Variants in UGT1A4 observed in about 807,000 individuals in gnomAD.
UGT1A4 encodes the protein UDP glucuronosyltransferase family 1 member A4, also known as UDP-glucuronosyltransferase 1A4.
A neutral mutation model predicts 41.1 loss-of-function variants in UGT1A4; 32 were observed. The observed-to-expected ratio is 0.78, with a 90% CI of 0.59 to 1.05. The LOEUF is 1.05. Ranked by LOEUF, UGT1A4 falls within the 50% of genes least tolerant of loss-of-function variation. UGT1A4 has a pLI of 0.00. For synonymous variants in UGT1A4, 283 were observed against 265.1 expected (o/e 1.07, Z -0.66); for missense variants, 748 against 677.4 (o/e 1.10, Z -1.16).
rs564518266 is a variant in UGT1A4 at position 233,725,998 on chromosome 2, T to G, written c.867+6311T>G. Among the ~76,000 whole-genome samples the G allele has an allele frequency of 3.4e-4, 52 of 152,142 alleles. No individual in the cohort carries two copies. The Middle Eastern group carries it at 0.014, about 40-fold the overall frequency. ...CTGGGAAACGTGCTGAGACTGCATC[T>G]CTACAAAAAATCAAAAAATTATCCA... On this transcript the variant is annotated intron_variant, in intron 1 of 4. Coordinates refer to ENST00000373409, the MANE Select transcript of UGT1A4 (RefSeq NM_007120.3).
intron 1 of UGT1A4, among the ~76,000 whole-genome samples, chr2:233,739,216 G>A (rs1265405440): frequency 6.6e-6 from 1 of 152,218 alleles, no homozygotes; most frequent in Admixed American, 6.5e-5. Context: ...CATGGATAGA[G>A]TCCTTATAGA....
intron 1 of UGT1A4, among the ~76,000 whole-genome samples, chr2:233,739,668 T>C (rs1477304196): frequency 6.6e-6 from 1 of 152,244 alleles, no homozygotes; most frequent in Non-Finnish European, 1.5e-5. Context: ...CATTGTGTCT[T>C]GGAAGTTACT....
At chr2:233,732,055 A>G (rs2078232493) in intron 1 of UGT1A4, among the ~76,000 whole-genome samples, 1 of 152,104 alleles carries the variant, frequency 6.6e-6, no homozygotes, top group African/African-American at 2.4e-5. Flanking sequence ...GCATTTATTC[A>G]TGTGTCTGTT....
intron 1 of UGT1A4, chr2:233,747,953 T>A (rs1693820704): frequency 6.2e-7 from 1 of 1,613,400 alleles, no homozygotes; most frequent in Admixed American, 1.7e-5. Flanking sequence ...CAGTGGTGGA[T>A]CTTCTCAGCC....
intron 1 of UGT1A4, among the ~76,000 whole-genome samples, chr2:233,745,792 G>A (rs1203318312): frequency 6.6e-6 from 1 of 151,102 alleles, no homozygotes; most frequent in Non-Finnish European, 1.5e-5. Context: ...AGGGGGGCTG[G>A]GGTCTATCCC....
intron 1 of UGT1A4, among the ~76,000 whole-genome samples, chr2:233,761,693 AG>A (rs1697839049): frequency 6.6e-6 from 1 of 152,260 alleles, no homozygotes; most frequent in African/African-American, 2.4e-5. Flanking sequence ...TGATACAGAA[AG>A]GTTGTAGGTT....
chr2:233,748,217 A>T, intron 1 of UGT1A4: 1 of 1,473,232 alleles, frequency 6.8e-7, no homozygotes, highest in East Asian at 2.4e-5. Flanking sequence ...CTTCAGTGAG[A>T]TAAACTGTTA....
Position 233,719,295 on chromosome 2 carries a change from G to A in UGT1A4, c.475G>A (p.Ala159Thr). Residue 159 changes from alanine to threonine, a missense_variant, in exon 1 of 5, where the codon GCG becomes ACG. Coordinates refer to ENST00000373409, the MANE Select transcript of UGT1A4 (RefSeq NM_007120.3). The stretch of plus-strand genomic sequence containing the variant: ...AACAGACCCCGTTAACCTCTGTGGG[G>A]CGGTGCTGGCTAAGTACCTGTCGAT... ...VLTDPVNLCG[A>T]VLAKYLSIPA... is the part of the protein sequence containing the mutation. The A allele has an allele frequency of 6.2e-7, 1 of 1,613,994 alleles. No homozygotes were observed.
At chr2:233,734,487 G>T (rs1258869591) in intron 1 of UGT1A4, among the ~76,000 whole-genome samples, 1 of 151,866 alleles carries the variant, frequency 6.6e-6, no homozygotes, top group East Asian at 1.9e-4. Flanking sequence ...TGATTTTTTT[G>T]AAGGTTTTTT....
chr2:233,741,276 T>C (rs752081250), intron 1 of UGT1A4, among the ~76,000 whole-genome samples: 1 of 151,850 alleles, frequency 6.6e-6, no homozygotes, highest in Non-Finnish European at 1.5e-5. Flanking sequence ...CACTGAACAA[T>C]GGGATTTATG....
chr2:233,747,198 C>T (rs375624902), intron 1 of UGT1A4: 21 of 1,604,164 alleles, frequency 1.3e-5, no homozygotes, highest in Non-Finnish European at 1.8e-5. Context: ...GTCAGCTGTC[C>T]GTGTCTTCTG....
At chr2:233,731,452 C>A (rs2078164427) in intron 1 of UGT1A4, among the ~76,000 whole-genome samples, 1 of 152,066 alleles carries the variant, frequency 6.6e-6, no homozygotes. Context: ...CACCCCACAA[C>A]AGGCCCTGGC....
chr2:233,730,090 C>A, intron 1 of UGT1A4: 2 of 1,596,076 alleles, frequency 1.3e-6, no homozygotes, highest in South Asian at 1.1e-5. Flanking sequence ...ACTTATCTTT[C>A]CAAATATTTC....
At chr2:233,732,938 A>G (rs2078338826) in intron 1 of UGT1A4, among the ~76,000 whole-genome samples, 1 of 152,098 alleles carries the variant, frequency 6.6e-6, no homozygotes, top group South Asian at 2.1e-4. Flanking sequence ...CTTCCTATCC[A>G]TGAGCATGGA....
intron 1 of UGT1A4, chr2:233,756,408 G>C (rs1234137074): frequency 1.3e-5 from 2 of 151,750 alleles, no homozygotes; most frequent in Non-Finnish European, 2.9e-5. Flanking sequence ...TTTTTTATTT[G>C]TATTATTTGT....
rs550981457 is a variant in UGT1A4, at chr2:233,769,346, G to C, written c.1307+907G>C. ...TAATAGGCTTATTAGAACCTTATGG[G>C]AAGAAGTGGTGGCCAGTGGTAGATT... On this transcript the variant is annotated intron_variant, in intron 4 of 4. Coordinates refer to ENST00000373409, the MANE Select transcript of UGT1A4 (RefSeq NM_007120.3). This position sits in a 1 kb window ranked among gnomAD's most constrained non-coding sequence, Gnocchi z 4.4. Among the ~76,000 whole-genome samples, 7 of 152,360 alleles carry C rather than the reference G, an allele frequency of 4.6e-5. No homozygotes were observed. In the South Asian group the frequency reaches 1.5e-3, roughly 32 times the overall value.
At chr2:233,727,965 GGT>G (rs2077670166) in intron 1 of UGT1A4, among the ~76,000 whole-genome samples, 2 of 152,222 alleles carry the variant, frequency 1.3e-5, no homozygotes, top group South Asian at 4.1e-4. Context: ...ATCATCCTGA[GGT>G]GACCAGGACA....
rs555064194 is a variant in UGT1A4 at position 233,744,160 on chromosome 2, C to T, written c.868-22874C>T. ...TGTGATGCTCCAAGACCAGGCCCCG[C>T]CCACTCCGGCCTCCAACCAGCCATG... On this transcript the variant is annotated intron_variant, in intron 1 of 4. Coordinates refer to ENST00000373409, the MANE Select transcript of UGT1A4 (RefSeq NM_007120.3). 16 of 294,652 alleles carry T rather than the reference C, an allele frequency of 5.4e-5. No homozygotes were observed. In the East Asian group the frequency reaches 1.5e-3, roughly 28 times the overall value. 18.3% of individuals were successfully genotyped at this position (294,652 alleles called of 1,614,324 possible).
At chr2:233,731,876 G>A (rs2078215412) in intron 1 of UGT1A4, among the ~76,000 whole-genome samples, 1 of 152,166 alleles carries the variant, frequency 6.6e-6, no homozygotes, top group Non-Finnish European at 1.5e-5. Context: ...TTCCACAATG[G>A]TTGAACTAAT....
Sources: gnomAD v4.1 joint callset for allele counts (sites outside exome capture counted in the v4.1 genomes callset) on GRCh38, gnomAD v4.1.1 for gene constraint, Gnocchi (gnomAD v3.1) non-coding constraint, MANE v1.5 for transcripts, NCBI Gene and HGNC (gene_info 2026-07-23, HGNC 2026-07-21) for gene names.